OTUD7B: variants seen among roughly 807,000 people sequenced by gnomAD.
OTUD7B encodes OTU domain-containing protein 7B.
A neutral mutation model predicts 82.2 loss-of-function variants in OTUD7B; 34 were observed. The ratio of observed to expected loss-of-function variants is 0.41; its 90% CI spans 0.31 to 0.55. OTUD7B has a LOEUF of 0.55. Ranked by LOEUF, OTUD7B falls within the 20% of genes least tolerant of loss-of-function variation. The pLI is 0.20. For synonymous variants in OTUD7B, 398 were observed against 402.7 expected, an observed-to-expected ratio of 0.99 and a Z score of 0.14; for missense variants, 944 against 1,062.1, an observed-to-expected ratio of 0.89 and a Z score of 1.55.
At chr1:149,983,585 C>T (rs1476405633) in intron 1 of OTUD7B, among the ~76,000 whole-genome samples, 1 of 151,904 alleles carries the variant, frequency 6.6e-6, no homozygotes, top group East Asian at 1.9e-4. Context: ...AGGAAGAACG[C>T]TCCAAGCAGA....
At chr1:149,991,706 A>C (rs1402701553) in intron 1 of OTUD7B, among the ~76,000 whole-genome samples, 2 of 152,322 alleles carry the variant, frequency 1.3e-5, no homozygotes, top group East Asian at 1.9e-4. Context: ...TGAGTACCGA[A>C]TATAAATCTG....
intron 7 of OTUD7B, among the ~76,000 whole-genome samples, chr1:149,951,507 T>G (rs1168577504): frequency 1.3e-5 from 2 of 152,148 alleles, no homozygotes; most frequent in African/African-American, 4.8e-5. Context: ...CTTATCCCAC[T>G]CCTTTCCACT....
chr1:149,955,124 T>C (rs1192146202), intron 7 of OTUD7B, among the ~76,000 whole-genome samples: 2 of 152,206 alleles, frequency 1.3e-5, no homozygotes, highest in Non-Finnish European at 2.9e-5. Flanking sequence ...GTTCTTTTAA[T>C]TGTGATGTTA....
chr1:150,027,574 G>A, the OTUD7B span, among the ~76,000 whole-genome samples: 1 of 152,140 alleles, frequency 6.6e-6, no homozygotes, highest in East Asian at 1.9e-4. Flanking sequence ...GCAACAGAGT[G>A]AGACTCCATC....
chr1:150,020,318 T>C, the OTUD7B span, among the ~76,000 whole-genome samples: 8,493 of 152,114 alleles, frequency 0.056, 309 homozygotes, highest in Non-Finnish European at 0.088. Context: ...GGTGGATCAT[T>C]TGAGGTCAGG....
the OTUD7B span, among the ~76,000 whole-genome samples, chr1:150,036,040 C>T: frequency 1.3e-5 from 2 of 151,214 alleles, no homozygotes; most frequent in African/African-American, 4.9e-5. Context: ...TGAACCTCCC[C>T]TTCCCGGGCT....
intron 9 of OTUD7B, 39 bp from the exon 10 acceptor site, chr1:149,949,122 A>T: frequency 7.9e-7 from 1 of 1,270,376 alleles, no homozygotes; most frequent in Non-Finnish European, 1.1e-6. Context: ...AATCTCCTTA[A>T]GAGAGAAAGG....
chr1:150,026,194 G>C, the OTUD7B span, among the ~76,000 whole-genome samples: 4 of 152,150 alleles, frequency 2.6e-5, no homozygotes, highest in Non-Finnish European at 5.9e-5. Context: ...ACATCCATTG[G>C]CCAGAACTTG....
chr1:149,967,668 T>C lies in OTUD7B; in HGVS notation c.275-147A>G, dbSNP rs1183795778. The C allele has an allele frequency of 2.0e-5, 11 of 537,120 alleles. No individual in the cohort carries two copies. In the East Asian group the frequency reaches 3.5e-4, roughly 17 times the overall value. 33.3% of individuals were successfully genotyped at this position (537,120 alleles called of 1,614,324 possible). A position where few individuals can be genotyped will look rare whatever the true frequency, so the allele number is the denominator to read the frequency against. Reference sequence around the variant, plus strand: ...CTACTGAATTTCAGAACCCTTTTTCTGAAGCCAAATACAATTGGAGAAATA... The same window carrying C: ...CTACTGAATTTCAGAACCCTTTTTCCGAAGCCAAATACAATTGGAGAAATA... On this transcript the variant is annotated intron_variant, in intron 3 of 11. Coordinates refer to ENST00000581312, the MANE Select transcript of OTUD7B (RefSeq NM_020205.4).
At position 149,938,758 on chromosome 1, in the gene OTUD7B, TAAA is replaced by T. The variant is rs66654345; in HGVS notation, c.*5096_*5098del. 7.6e-4 allele frequency: 37 copies of T among 48,766 alleles called. No individual in the cohort carries two copies. The highest frequency in any genetic ancestry group is 1.1e-3 in the Non-Finnish European group (33 of 30,510). 3.0% of individuals were successfully genotyped at this position (48,766 alleles called of 1,614,324 possible). ...ACATGGCGAAACCCCCGACTCTAAC[TAAA>T]AAAAAAAAAAAAAAAAAAAATTAAG... On this transcript the variant is annotated 3_prime_UTR_variant, in exon 12 of 12. Coordinates refer to ENST00000581312, the MANE Select transcript of OTUD7B (RefSeq NM_020205.4).
chr1:150,002,642 T>C (rs1256188641), intron 1 of OTUD7B, among the ~76,000 whole-genome samples: 1 of 152,180 alleles, frequency 6.6e-6, no homozygotes, highest in Non-Finnish European at 1.5e-5. Context: ...TGAATTCACC[T>C]TTATTAATCA....
chr1:150,014,914 C>G (rs1457046111), upstream of OTUD7B, among the ~76,000 whole-genome samples: 3 of 13,940 alleles, frequency 2.2e-4, no homozygotes, highest in East Asian at 5.3e-3. Context: ...GTGAATTTTG[C>G]CTCAATTAAA....
intron 1 of OTUD7B, among the ~76,000 whole-genome samples, chr1:149,978,736 C>T (rs1388028488): frequency 6.6e-6 from 1 of 152,186 alleles, no homozygotes; most frequent in Non-Finnish European, 1.5e-5. Context: ...AACCTGACAG[C>T]CTGGCACCAA....
At chr1:149,952,619 C>T (rs1471002257) in intron 7 of OTUD7B, among the ~76,000 whole-genome samples, 1 of 152,222 alleles carries the variant, frequency 6.6e-6, no homozygotes, top group Non-Finnish European at 1.5e-5. Context: ...CTTGAGGAAT[C>T]GCCACACTGT....
the OTUD7B span, among the ~76,000 whole-genome samples, chr1:150,042,593 C>T: frequency 6.6e-6 from 1 of 152,084 alleles, no homozygotes; most frequent in African/African-American, 2.4e-5. Context: ...AGAACTAGTC[C>T]TCCACTTTAG....
chr1:150,049,381 G>A, the OTUD7B span, among the ~76,000 whole-genome samples: 2 of 152,030 alleles, frequency 1.3e-5, no homozygotes, highest in Admixed American at 1.3e-4. Flanking sequence ...AAATTAAATC[G>A]TGGTTAGTCA....
intron 7 of OTUD7B, among the ~76,000 whole-genome samples, chr1:149,951,185 G>A (rs1553773385): frequency 5.9e-5 from 9 of 151,736 alleles, no homozygotes; most frequent in South Asian, 4.2e-4. Flanking sequence ...GGGTTTCACC[G>A]TGGTCTCGAT....
At chr1:149,985,934 G>A (rs148546474) in intron 1 of OTUD7B, among the ~76,000 whole-genome samples, 1 of 152,170 alleles carries the variant, frequency 6.6e-6, no homozygotes, top group Non-Finnish European at 1.5e-5. Flanking sequence ...CCTAGGTGTA[G>A]CAGGTGAATT....
intron 4 of OTUD7B, among the ~76,000 whole-genome samples, 156 bp from the exon 5 acceptor site, chr1:149,966,034 A>G (rs935726288): frequency 2.6e-5 from 4 of 152,222 alleles, no homozygotes; most frequent in African/African-American, 9.6e-5. Flanking sequence ...ACTTATATCT[A>G]GTCAGTCAGA....
Sources: gnomAD v4.1 joint callset for allele counts (sites outside exome capture counted in the v4.1 genomes callset) on GRCh38, gnomAD v4.1.1 for gene constraint, MANE v1.5 for transcripts, NCBI Gene and HGNC (gene_info 2026-07-23, HGNC 2026-07-21) for gene names.